Variants in RPS6KA5 observed in about 807,000 individuals in gnomAD.
RPS6KA5 encodes the protein ribosomal protein S6 kinase A5, also known as ribosomal protein S6 kinase alpha-5.
RPS6KA5 carries 27 observed loss-of-function variants against 85.5 expected under a neutral mutation model. The observed-to-expected ratio is 0.32, with a 90% CI of 0.23 to 0.44. The LOEUF (loss-of-function observed/expected upper bound fraction) is 0.44, where lower values mean the gene tolerates loss of function less well. Ranked by LOEUF, RPS6KA5 falls within the 20% of genes least tolerant of loss-of-function variation. The pLI, the probability that RPS6KA5 is intolerant of heterozygous loss-of-function variation, is 1.00. For synonymous variants in RPS6KA5, 334 were observed against 348.2 expected (o/e 0.96, Z 0.46); for missense variants, 811 against 980.9 (o/e 0.83, Z 2.31).
chr14:90,875,168 C>CA (rs776884032), intron 15 of RPS6KA5, 33 bp downstream of exon 15: 48 of 1,589,224 alleles, frequency 3.0e-5, no homozygotes, highest in Non-Finnish European at 4.0e-5. Flanking sequence ...CACTACACAT[C>CA]ATATAAAATG....
intron 1 of RPS6KA5, among the ~76,000 whole-genome samples, chr14:91,043,500 C>T (rs1029426816): frequency 6.6e-6 from 1 of 152,182 alleles, no homozygotes; most frequent in African/African-American, 2.4e-5. Context: ...TCTTGAGTAA[C>T]CCTGAACAAG....
At chr14:91,000,780 C>T (rs1422718409) in intron 2 of RPS6KA5, among the ~76,000 whole-genome samples, 2 of 151,952 alleles carry the variant, frequency 1.3e-5, no homozygotes, top group East Asian at 1.9e-4. Flanking sequence ...CCAGCCTGGG[C>T]GACAGAGCTA....
intron 1 of RPS6KA5, among the ~76,000 whole-genome samples, chr14:91,019,432 T>G (rs1012146639): frequency 6.6e-6 from 1 of 152,210 alleles, no homozygotes. Context: ...AGACTTTATA[T>G]GCAACACTAG....
chr14:90,957,624 G>A (rs923223754), intron 3 of RPS6KA5, among the ~76,000 whole-genome samples: 5 of 152,048 alleles, frequency 3.3e-5, no homozygotes, highest in Non-Finnish European at 5.9e-5. Context: ...TAATGCTCTG[G>A]AGCATAAATT....
chr14:90,876,372 T>G (rs969330650), intron 14 of RPS6KA5, among the ~76,000 whole-genome samples: 1 of 151,444 alleles, frequency 6.6e-6, no homozygotes, highest in Non-Finnish European at 1.5e-5. Context: ...TAATTACCCC[T>G]GTTTTTATTT....
chr14:90,906,542 C>T (rs2035515416), intron 7 of RPS6KA5, among the ~76,000 whole-genome samples: 1 of 152,016 alleles, frequency 6.6e-6, no homozygotes, highest in African/African-American at 2.4e-5. Flanking sequence ...TAAGTCAATC[C>T]TGGTGGGAGG....
chr14:91,029,089 T>TA (rs1368900874), intron 1 of RPS6KA5, among the ~76,000 whole-genome samples: 3 of 152,332 alleles, frequency 2.0e-5, no homozygotes, highest in South Asian at 2.1e-4. Context: ...AGCACGTTGA[T>TA]AAACATAAAC....
chr14:90,889,279 G>A (rs942834171), intron 14 of RPS6KA5, among the ~76,000 whole-genome samples: 3 of 110,376 alleles, frequency 2.7e-5, no homozygotes, highest in South Asian at 3.1e-4. Flanking sequence ...GGGAGACAGA[G>A]CAAGACTTTG....
chr14:90,913,141 C>G (rs1048059539), intron 7 of RPS6KA5, among the ~76,000 whole-genome samples: 1 of 152,036 alleles, frequency 6.6e-6, no homozygotes, highest in East Asian at 1.9e-4. Context: ...GAACTCCTGA[C>G]CTCAAGTGAT....
At chr14:90,899,302 GA>G (rs11380703) in intron 12 of RPS6KA5, 26 bp downstream of exon 12, 59,507 of 1,253,788 alleles carry the variant, frequency 0.047, 59 homozygotes, top group South Asian at 0.059. Flanking sequence ...GTACACATGG[GA>G]AAAAAAAAAA....
chr14:90,962,277 G>GTT (rs201181137), intron 3 of RPS6KA5, among the ~76,000 whole-genome samples: 1 of 145,914 alleles, frequency 6.9e-6, no homozygotes, highest in African/African-American at 2.6e-5. Flanking sequence ...TTTCCTAAGG[G>GTT]TTTTTTTTTA....
rs934987873 is a variant in RPS6KA5 at position 90,866,703 on chromosome 14, A to G, written c.*5371T>C. ...GATACATACCATTTTTACCAGCTAT[A>G]CTTTAAAATGCCAGTCTTTAAAAAT... On this transcript the variant is annotated 3_prime_UTR_variant, in exon 17 of 17. Transcript: ENST00000614987. The G allele has an allele frequency of 6.6e-6, 1 of 152,216 alleles. No individual in the cohort carries two copies. The highest frequency in any genetic ancestry group is 6.5e-5 in the Admixed American group (1 of 15,278). The allele number at this position is 152,216 out of a possible 1,614,324, so 9.4% of individuals were successfully genotyped here.
Position 91,030,841 on chromosome 14 carries a change from T to G in RPS6KA5, c.103+29491A>C, listed in dbSNP as rs374783820. Among the ~76,000 whole-genome samples the G allele has an allele frequency of 9.2e-5, 14 of 151,556 alleles. No homozygotes were observed. The South Asian group carries it at 2.9e-3, about 31-fold the overall frequency. On this transcript the variant is annotated intron_variant, in intron 1 of 16. Coordinates refer to ENST00000614987, the MANE Select transcript of RPS6KA5 (RefSeq NM_004755.4). ...CCTATTAAAGGTCTAGATAATAAAG[T>G]TAAAGAAAGAGACCAAATGTAAAGT... is the stretch of plus-strand genomic sequence containing the variant.
intron 7 of RPS6KA5, among the ~76,000 whole-genome samples, chr14:90,913,223 T>C (rs1010041222): frequency 9.9e-5 from 15 of 152,148 alleles, no homozygotes; most frequent in Middle Eastern, 3.4e-3. Flanking sequence ...ACATGAAGCA[T>C]CTTATTTCCC....
At chr14:91,029,057 G>A (rs1039463807) in intron 1 of RPS6KA5, among the ~76,000 whole-genome samples, 1 of 152,106 alleles carries the variant, frequency 6.6e-6, no homozygotes, top group African/African-American at 2.4e-5. Context: ...AAGTTTTAAA[G>A]TATCTATAAT....
intron 1 of RPS6KA5, among the ~76,000 whole-genome samples, chr14:91,038,786 A>G (rs1203465833): frequency 6.6e-6 from 1 of 152,210 alleles, no homozygotes; most frequent in Non-Finnish European, 1.5e-5. Flanking sequence ...GCCAGTGCTA[A>G]TCTAGAGCCT....
chr14:90,880,621 G>C (rs1258064992), intron 14 of RPS6KA5, among the ~76,000 whole-genome samples: 2 of 152,080 alleles, frequency 1.3e-5, no homozygotes, highest in African/African-American at 4.8e-5. Flanking sequence ...CTGGCCGGTT[G>C]TTTTATCCAT....
At chr14:90,946,782 A>G (rs1275705946) in intron 4 of RPS6KA5, among the ~76,000 whole-genome samples, 1 of 152,234 alleles carries the variant, frequency 6.6e-6, no homozygotes, top group Non-Finnish European at 1.5e-5. Context: ...AAGTAAAACA[A>G]AAAACCGAGT....
In RPS6KA5 at chr14:90,894,328, C is replaced by T. The variant is rs1214431596; in HGVS notation, c.1644+85G>A. On this transcript the variant is annotated intron_variant, in intron 13 of 16. Coordinates refer to ENST00000614987, the MANE Select transcript of RPS6KA5 (RefSeq NM_004755.4). Reference sequence around the variant, plus strand: ...CTTGAAAAGTAAAAAAATAAGGAAACCTCCCCAGAAACTTCCCCCATGTTT... The same window carrying T: ...CTTGAAAAGTAAAAAAATAAGGAAATCTCCCCAGAAACTTCCCCCATGTTT... 6.4e-6 allele frequency: 9 copies of T among 1,398,506 alleles called. No individual in the cohort carries two copies. The African/African-American group carries it at 1.0e-4, about 16-fold the overall frequency. The allele number at this position is 1,398,506 out of a possible 1,614,324, so 86.6% of individuals were successfully genotyped here. A position where few individuals can be genotyped will look rare whatever the true frequency, so the allele number is the denominator to read the frequency against.
Sources: allele counts gnomAD v4.1 joint callset (sites outside exome capture counted in the v4.1 genomes callset), GRCh38; gene constraint gnomAD v4.1.1; transcripts MANE v1.5; gene names NCBI Gene and HGNC (gene_info 2026-07-23, HGNC 2026-07-21).